The following PIK3C3 variants were observed in gnomAD, a reference collection of about 807,000 sequenced individuals.
The protein encoded by PIK3C3 is PI3-kinase type 3.
PIK3C3 carries 95 observed loss-of-function variants against 126.1 expected under a neutral mutation model. The ratio of observed to expected loss-of-function variants is 0.75; its 90% CI spans 0.64 to 0.89. The LOEUF (loss-of-function observed/expected upper bound fraction) is 0.89. Ranked by LOEUF, PIK3C3 falls within the 40% of genes least tolerant of loss-of-function variation. PIK3C3 has a pLI of 0.00. For missense variants in PIK3C3, 829 were observed against 1,063.2 expected (o/e 0.78, Z 3.06); for synonymous variants, 374 against 360.0 (o/e 1.04, Z -0.44).
chr18:41,963,375 T>C (rs938053881), intron 3 of PIK3C3, among the ~76,000 whole-genome samples: 1 of 152,190 alleles, frequency 6.6e-6, no homozygotes, highest in Admixed American at 6.5e-5. Flanking sequence ...TTTTGTGCAT[T>C]TTGTTTTTTA....
chr18:42,071,469 C>T (rs1985769313), intron 24 of PIK3C3, among the ~76,000 whole-genome samples: 1 of 152,110 alleles, frequency 6.6e-6, no homozygotes, highest in South Asian at 2.1e-4. Flanking sequence ...CCTGTAATCC[C>T]AGCACTTTGC....
At chr18:42,076,197 C>CACATAT (rs1555643472) in intron 24 of PIK3C3, among the ~76,000 whole-genome samples, 5 of 119,322 alleles carry the variant, frequency 4.2e-5, no homozygotes, top group East Asian at 5.1e-4. Context: ...TATATGCACA[C>CACATAT]ATATATATAT....
intron 9 of PIK3C3, among the ~76,000 whole-genome samples, chr18:42,001,828 G>A (rs769525019): frequency 2.0e-5 from 3 of 152,178 alleles, no homozygotes; most frequent in Non-Finnish European, 4.4e-5. Flanking sequence ...GACTGCTGAT[G>A]TACTGTGAAA....
chr18:42,067,446 G>A lies in PIK3C3; in HGVS notation c.2582G>A (p.Ser861Asn), dbSNP rs750024777. ...SDEEAVHYMQ[S>N]LIDESVHALF... ...GAAGAGGCTGTGCATTACATGCAGA[G>A]TCTGATTGATGAGAGTGTCCATGCT... The change falls in exon 24 of 25, where the codon AGT becomes AAT. Residue 861 changes from serine to asparagine, a missense_variant. Coordinates refer to ENST00000262039, the MANE Select transcript of PIK3C3 (RefSeq NM_002647.4). 1 of 1,614,082 alleles carries A rather than the reference G, an allele frequency of 6.2e-7. No homozygotes were observed. The highest frequency in any genetic ancestry group is 8.5e-7 in the Non-Finnish European group (1 of 1,179,910).
chr18:42,078,095 C>T (rs557808915), intron 24 of PIK3C3, among the ~76,000 whole-genome samples: 115 of 152,124 alleles, frequency 7.6e-4, no homozygotes, highest in Middle Eastern at 3.4e-3. Flanking sequence ...TTCAGTAAAC[C>T]GGCCGGGCGC....
intron 4 of PIK3C3, 93 bp from the exon 5 acceptor site, chr18:41,987,718 TC>T: frequency 2.7e-6 from 2 of 745,510 alleles, no homozygotes; most frequent in Non-Finnish European, 4.7e-6. Context: ...TAGGAAAGTA[TC>T]ATATGTGAAG....
chr18:41,960,957 A>C (rs187592375), intron 2 of PIK3C3, among the ~76,000 whole-genome samples: 307 of 152,060 alleles, frequency 2.0e-3, no homozygotes, highest in Non-Finnish European at 3.2e-3. Context: ...GGCGAAGCTC[A>C]TCTTGAACTC....
chr18:41,958,488 T>G (rs911239253), intron 2 of PIK3C3, among the ~76,000 whole-genome samples: 2 of 152,200 alleles, frequency 1.3e-5, no homozygotes, highest in Non-Finnish European at 2.9e-5. Flanking sequence ...ACAGCCAGAC[T>G]GTGCCATAGA....
intron 4 of PIK3C3, among the ~76,000 whole-genome samples, chr18:41,986,789 C>T (rs1432360711): frequency 6.6e-6 from 1 of 152,058 alleles, no homozygotes; most frequent in Non-Finnish European, 1.5e-5. Flanking sequence ...AATTACCTCA[C>T]ATGAAAGGGA....
At chr18:41,971,764 GA>G (rs1388722435) in intron 4 of PIK3C3, among the ~76,000 whole-genome samples, 1 of 151,810 alleles carries the variant, frequency 6.6e-6, no homozygotes, top group African/African-American at 2.4e-5. Flanking sequence ...AAAGAATAAA[GA>G]ATAATATTTT....
Position 42,044,064 on chromosome 18 carries a change from A to G in PIK3C3, c.2188+247A>G, listed in dbSNP as rs184333089. On this transcript the variant is annotated intron_variant, in intron 20 of 24. Coordinates refer to ENST00000262039, the MANE Select transcript of PIK3C3 (RefSeq NM_002647.4). ...CTGAACTATTTTATAATCACAGTTTATCTCTTCCTGGAAGCTGTTAATTTT... is the reference window on the plus strand; with the variant it reads ...CTGAACTATTTTATAATCACAGTTTGTCTCTTCCTGGAAGCTGTTAATTTT... 1.8e-4 allele frequency among the ~76,000 whole-genome samples: 28 copies of G among 152,304 alleles called. No homozygotes were observed. The East Asian group carries it at 3.9e-3, about 21-fold the overall frequency.
chr18:42,073,630 G>T (rs1328420572), intron 24 of PIK3C3, among the ~76,000 whole-genome samples: 3 of 152,078 alleles, frequency 2.0e-5, no homozygotes, highest in Non-Finnish European at 2.9e-5. Flanking sequence ...GGGTTTTCTT[G>T]TGTCATTGCT....
In PIK3C3 at chr18:41,990,499, A is replaced by G. The variant is rs1568125074; in HGVS notation, c.659A>G (p.Glu220Gly). ...TCTAATTTCATGTACCTGATGGTTG[A>G]ATTTCGATGTGTCAAGTGTGATGAT... ...RSSNFMYLMV[E>G]FRCVKCDDKE... The change falls in exon 6 of 25, where the codon GAA becomes GGA. Residue 220 changes from glutamate (E) to glycine (G), a missense_variant. Transcript: ENST00000262039. 2 of 1,602,462 alleles carry G rather than the reference A, an allele frequency of 1.2e-6. No homozygotes were observed. The highest frequency in any genetic ancestry group is 4.5e-5 in the East Asian group (2 of 44,742).
chr18:42,029,472 A>G, intron 15 of PIK3C3, 31 bp downstream of exon 15: 2 of 1,217,292 alleles, frequency 1.6e-6, no homozygotes, highest in Non-Finnish European at 2.4e-6. Flanking sequence ...TTTGTTCCTA[A>G]TAGCATCTTG....
At position 42,006,860 on chromosome 18, in the gene PIK3C3, C is replaced by CTTTTTTTT. The variant is rs71265065; in HGVS notation, c.1170+2333_1170+2340dup. On this transcript the variant is annotated intron_variant, in intron 10 of 24. Coordinates refer to ENST00000262039, the MANE Select transcript of PIK3C3 (RefSeq NM_002647.4). ...GTGGGTATGTTTTAAAAATCATATT[C>CTTTTTTTT]TTTTTTTTTTTTTTTTTTTTTGAGA... Among the ~76,000 whole-genome samples, 8 of 102,294 alleles carry CTTTTTTTT rather than the reference C, an allele frequency of 7.8e-5. 1 individual carries two copies. Among genetic ancestry groups the CTTTTTTTT allele is most frequent in the African/African-American group, 1.4e-4 (4 of 28,080 alleles). 67.1% of individuals were successfully genotyped at this position (102,294 alleles called of 152,430 possible).
chr18:41,990,115 A>C (rs1465166415), intron 5 of PIK3C3, among the ~76,000 whole-genome samples: 2 of 152,096 alleles, frequency 1.3e-5, no homozygotes, highest in African/African-American at 4.8e-5. Flanking sequence ...AGAAGGAAAA[A>C]CCATTCTTTT....
rs142122018 is a variant in PIK3C3 at position 42,038,761 on chromosome 18, T to C, written c.1969-20T>C. On this transcript the variant is annotated intron_variant, in intron 17 of 24. Coordinates refer to ENST00000262039, the MANE Select transcript of PIK3C3 (RefSeq NM_002647.4). ...ACAGTCTTTACATTTGGTTAATATA[T>C]TTTACCTTTTGATTAAAAGCTGTTA... 5,711 of 1,522,392 alleles carry C rather than the reference T, an allele frequency of 3.8e-3. 15 individuals are homozygous for C. The highest frequency in any genetic ancestry group is 4.7e-3 in the Non-Finnish European group (5,178 of 1,098,342). The allele number at this position is 1,522,392 out of a possible 1,614,324, so 94.3% of individuals were successfully genotyped here.
At chr18:42,076,089 CATATATATATATATATATAT>C (rs71174077) in intron 24 of PIK3C3, among the ~76,000 whole-genome samples, 1,492 of 54,658 alleles carry the variant, frequency 0.027, 201 homozygotes, top group African/African-American at 0.11. Context: ...CTTTACCTTG[CATATATATATATATATATAT>C]ATATATATAT....
Position 41,970,334 on chromosome 18 carries a change from C to T in PIK3C3, c.409C>T (p.Arg137Cys), listed in dbSNP as rs749558522. 6 of 1,613,010 alleles carry T rather than the reference C, an allele frequency of 3.7e-6. No individual in the cohort carries two copies. The highest frequency in any genetic ancestry group is 5.1e-6 in the Non-Finnish European group (6 of 1,179,178). ...CATTCTCTTTTTCCCTAGCATGTTT[C>T]GCCAAGGGATGCATGACTTGAAAGT... ...VSLFGKYGMF[R>C]QGMHDLKVWP... The change falls in exon 4 of 25, where the codon CGC becomes TGC. Residue 137 changes from arginine to cysteine, a missense_variant. Transcript: ENST00000262039.
Sources: allele counts gnomAD v4.1 joint callset (sites outside exome capture counted in the v4.1 genomes callset), GRCh38; gene constraint gnomAD v4.1.1; transcripts MANE v1.5; gene names NCBI Gene and HGNC (gene_info 2026-07-23, HGNC 2026-07-21).